The following IL17RD variants were observed in gnomAD, a reference collection of about 807,000 sequenced individuals.
IL17RD encodes the protein interleukin 17 receptor D, also known as interleukin-17 receptor D.
In IL17RD, 52 loss-of-function variants were observed where a neutral mutation model predicts 80.5. The observed-to-expected ratio is 0.65, with a 90% CI of 0.52 to 0.81. The LOEUF (loss-of-function observed/expected upper bound fraction) is 0.81, where lower values mean the gene tolerates loss of function less well. Among genes scored for constraint, IL17RD ranks in the 40% least tolerant of loss-of-function variants. The pLI, the probability that IL17RD is intolerant of heterozygous loss-of-function variation, is 0.00. For missense variants in IL17RD, 1,024 were observed against 955.1 expected, an observed-to-expected ratio of 1.07 and a Z score of -0.95; for synonymous variants, 416 against 391.8, an observed-to-expected ratio of 1.06 and a Z score of -0.73.
At chr3:57,105,811 C>T (rs777687627) in intron 7 of IL17RD, 46 bp downstream of exon 7, 12 of 1,568,018 alleles carry the variant, frequency 7.7e-6, no homozygotes, top group Admixed American at 1.8e-5. Context: ...GCCTGGGGGT[C>T]GCTTTGAAAC....
At position 57,098,007 on chromosome 3, in the gene IL17RD, G is replaced by C; in HGVS notation, c.1696C>G (p.Pro566Ala). 1 of 1,613,988 alleles carries C rather than the reference G, an allele frequency of 6.2e-7. No individual in the cohort carries two copies. Among genetic ancestry groups the C allele is most frequent in the Non-Finnish European group, 8.5e-7 (1 of 1,179,870 alleles). ...EPDWFEKQFVPFHPPPLRYRE... is the reference protein window; with the variant it reads ...EPDWFEKQFVAFHPPPLRYRE... ...TAGCGCAGTGGAGGAGGATGGAAGG[G>C]AACGAACTGCTTTTCGAACCAGTCG... is the stretch of plus-strand genomic sequence containing the variant. Residue 566 changes from proline to alanine, a missense_variant, in exon 12 of 13, where the codon CCC becomes GCC. Coordinates refer to ENST00000296318, the MANE Select transcript of IL17RD (RefSeq NM_017563.5).
At position 57,091,173 on chromosome 3, in the gene IL17RD, G is replaced by T. The variant is rs952661518; in HGVS notation, c.*5220C>A. On this transcript the variant is annotated 3_prime_UTR_variant, in exon 13 of 13. Coordinates refer to ENST00000296318, the MANE Select transcript of IL17RD (RefSeq NM_017563.5). ...TAATATTGTGAGTCATGAAATAAAG[G>T]TGATATCTATAGAGATGTGTAAAAA... The T allele has an allele frequency of 1.3e-5, 2 of 152,586 alleles. No homozygotes were observed. The highest frequency in any genetic ancestry group is 6.6e-5 in the Admixed American group (1 of 15,260). The allele number at this position is 152,586 out of a possible 1,614,324, so 9.5% of individuals were successfully genotyped here.
intron 2 of IL17RD, among the ~76,000 whole-genome samples, chr3:57,115,504 G>C (rs1707197246): frequency 6.6e-6 from 1 of 152,166 alleles, no homozygotes; most frequent in Admixed American, 6.5e-5. Flanking sequence ...TTTTGCCTGA[G>C]GAGTTTACTC....
In IL17RD at chr3:57,114,788, T is replaced by TC; in HGVS notation, c.213dup (p.Lys72GlufsTer6). The TC allele has an allele frequency of 6.2e-7, 1 of 1,610,106 alleles. No homozygotes were observed. The stretch of plus-strand genomic sequence containing the variant: ...TTCTGGGCGTCAGCAATCACATGCT[T>TC]CCCCACTGGATTCAAGTAGGTGGTA... On this transcript the variant is annotated frameshift_variant, in exon 3 of 13. Transcript: ENST00000296318. LOFTEE classifies it high-confidence loss of function.
intron 1 of IL17RD, among the ~76,000 whole-genome samples, chr3:57,160,140 C>G (rs987269292): frequency 6.6e-6 from 1 of 152,080 alleles, no homozygotes; most frequent in Non-Finnish European, 1.5e-5. Context: ...CCAATGCACT[C>G]CAGCCTGGGC....
chr3:57,101,613 G>T (rs1706832655), intron 10 of IL17RD, among the ~76,000 whole-genome samples: 1 of 152,208 alleles, frequency 6.6e-6, no homozygotes, highest in Admixed American at 6.5e-5. Flanking sequence ...TGCTGCAGGG[G>T]TCACCCTGGT....
At chr3:57,169,340 T>C (rs968844789), upstream of IL17RD, 1 of 473,500 alleles carries the variant, frequency 2.1e-6, no homozygotes, top group Non-Finnish European at 4.2e-6. Context: ...GCACTCTGTC[T>C]GGCACGCTTC....
At chr3:57,144,693 G>A (rs753987202) in intron 1 of IL17RD, among the ~76,000 whole-genome samples, 16 of 148,316 alleles carry the variant, frequency 1.1e-4, no homozygotes, top group East Asian at 2.0e-4. Context: ...ACAATGCCAC[G>A]TCAACCAGGG....
chr3:57,120,276 T>A lies in IL17RD; in HGVS notation c.164A>T (p.Asn55Ile). 4 of 1,613,598 alleles carry A rather than the reference T, an allele frequency of 2.5e-6. No individual in the cohort carries two copies. The highest frequency in any genetic ancestry group is 3.4e-6 in the Non-Finnish European group (4 of 1,179,490). The change falls in exon 2 of 13, where the codon AAC becomes ATC. Residue 55 changes from asparagine (N) to isoleucine (I), a missense_variant. Coordinates refer to ENST00000296318, the MANE Select transcript of IL17RD (RefSeq NM_017563.5). ...CTTACTGTCATATTTGAAGGTGATG[T>A]TGTACAGCCCACTGTTTCTGCTGGC... The part of the protein sequence containing the change: ...GPASRNSGLY[N>I]ITFKYDNCTT...
chr3:57,154,283 T>C (rs199990716), intron 1 of IL17RD, among the ~76,000 whole-genome samples: 2,407 of 112,536 alleles, frequency 0.021, 69 homozygotes, highest in African/African-American at 0.06. Context: ...TATATATATA[T>C]ACACACACAC....
In IL17RD at chr3:57,165,308, G is replaced by A. The variant is rs960820408; in HGVS notation, c.-22C>T. 3.6e-6 allele frequency: 5 copies of A among 1,385,692 alleles called. No homozygotes were observed. The highest frequency in any genetic ancestry group is 3.0e-5 in the African/African-American group (2 of 66,154). The allele number at this position is 1,385,692 out of a possible 1,614,324, so 85.8% of individuals were successfully genotyped here. On this transcript the variant is annotated 5_prime_UTR_variant, in exon 1 of 13. Transcript: ENST00000296318. ...CCATGGCCGTGCGCTCGCCCAGCCA[G>A]GCCGTTCTCTGCGCCCCGGCCGCCC...
At chr3:57,162,475 T>C (rs2060312024) in intron 1 of IL17RD, among the ~76,000 whole-genome samples, 1 of 152,176 alleles carries the variant, frequency 6.6e-6, no homozygotes, top group Non-Finnish European at 1.5e-5. Context: ...ATGAATCAAA[T>C]ACTCTAGTCA....
In IL17RD at chr3:57,127,551, G is replaced by A. The variant is rs147739590; in HGVS notation, c.127-7238C>T. On this transcript the variant is annotated intron_variant, in intron 1 of 12. Transcript: ENST00000296318. ...TTCCCAAGTAGCTGGGATTACAGGC[G>A]CCCACCACCATGTCTGGCTAATTTT... Among the ~76,000 whole-genome samples, 1,460 of 150,420 alleles carry A rather than the reference G, an allele frequency of 9.7e-3. 28 individuals are homozygous for A. The highest frequency in any genetic ancestry group is 0.034 in the African/African-American group (1,392 of 40,812).
chr3:57,105,552 A>AAATATATATATAT, intron 7 of IL17RD, among the ~76,000 whole-genome samples: 1 of 63,590 alleles, frequency 1.6e-5, no homozygotes, highest in African/African-American at 9.3e-5. Context: ...AAAAAAAAAA[A>AAATATATATATAT]ATATATATAT....
chr3:57,135,948 T>C (rs1256937088), intron 1 of IL17RD, among the ~76,000 whole-genome samples: 1 of 152,218 alleles, frequency 6.6e-6, no homozygotes, highest in African/African-American at 2.4e-5. Flanking sequence ...TGCCTATTGA[T>C]GTGGGTATCC....
chr3:57,125,123 T>C (rs1397683892), intron 1 of IL17RD, among the ~76,000 whole-genome samples: 1 of 152,068 alleles, frequency 6.6e-6, no homozygotes, highest in African/African-American at 2.4e-5. Flanking sequence ...AGTATATGAA[T>C]AGGCTGGGTG....
intron 1 of IL17RD, among the ~76,000 whole-genome samples, chr3:57,152,634 T>C (rs1022785549): frequency 9.9e-5 from 15 of 152,194 alleles, no homozygotes; most frequent in African/African-American, 3.6e-4. Context: ...CTTTGAAAAA[T>C]GACCAATATT....
chr3:57,101,308 T>C lies in IL17RD; in HGVS notation c.1035A>G (p.Ala345=), dbSNP rs760204952. Residue 345 remains alanine (A), a synonymous_variant, in exon 11 of 13, where the codon GCA becomes GCG. Coordinates refer to ENST00000296318, the MANE Select transcript of IL17RD (RefSeq NM_017563.5). The part of the protein sequence containing the change: ...EESSESSTYT[A]ALPRERLRPR... ...GCCGGAGCCTCTCTCTTGGGAGTGC[T>C]GCAGTGTATGTGGAAGACTCAGAGC... The C allele has an allele frequency of 8.7e-6, 14 of 1,613,154 alleles. No homozygotes were observed. In the African/African-American group the frequency reaches 1.3e-4, roughly 15 times the overall value.
In IL17RD at chr3:57,154,283, T is replaced by TATATACACACACACACAC. The variant is rs904157398; in HGVS notation, c.126+10877_126+10878insGTGTGTGTGTGTGTATAT. 2.5e-3 allele frequency among the ~76,000 whole-genome samples: 278 copies of TATATACACACACACACAC among 112,830 alleles called. 3 individuals carry two copies. The highest frequency in any genetic ancestry group is 8.2e-3 in the African/African-American group (259 of 31,526). 74.0% of individuals were successfully genotyped at this position (112,830 alleles called of 152,430 possible). On this transcript the variant is annotated intron_variant, in intron 1 of 12. Transcript: ENST00000296318. ...AATTATATATATATATATATATATA[T>TATATACACACACACACAC]ACACACACACACACACACATACATA...
Sources: gnomAD v4.1 joint callset for allele counts (sites outside exome capture counted in the v4.1 genomes callset) on GRCh38, gnomAD v4.1.1 for gene constraint, MANE v1.5 for transcripts, NCBI Gene and HGNC (gene_info 2026-07-23, HGNC 2026-07-21) for gene names.